PDE1C: variants seen among roughly 807,000 people sequenced by gnomAD.
PDE1C encodes dual specificity calcium/calmodulin-dependent 3',5'-cyclic nucleotide phosphodiesterase 1C.
Under a neutral mutation model 93.1 loss-of-function variants are expected in PDE1C, and 62 were observed. That is an observed-to-expected ratio of 0.67 (90% CI 0.54 to 0.82). PDE1C has a LOEUF of 0.82. Among genes scored for constraint, PDE1C ranks in the 40% least tolerant of loss-of-function variants. PDE1C has a pLI of 0.00. For missense variants in PDE1C, 742 were observed against 884.6 expected (o/e 0.84, Z 2.04); for synonymous variants, 325 against 310.1 (o/e 1.05, Z -0.50).
chr7:31,681,692 C>T, the PDE1C span, among the ~76,000 whole-genome samples: 1 of 152,272 alleles, frequency 6.6e-6, no homozygotes, highest in Non-Finnish European at 1.5e-5. Flanking sequence ...CCAGGAACAC[C>T]ACCAAATCAA....
intron 1 of PDE1C, among the ~76,000 whole-genome samples, chr7:32,214,575 C>A (rs1044573657): frequency 1.3e-5 from 2 of 152,152 alleles, no homozygotes; most frequent in Non-Finnish European, 2.9e-5. Flanking sequence ...TACATCTTTA[C>A]CAAAGGCAGG....
At chr7:32,147,251 GAAAAGAAAGAAAGAAAGAAA>G (rs1230457668) in intron 3 of PDE1C, among the ~76,000 whole-genome samples, 7 of 70,260 alleles carry the variant, frequency 1.0e-4, no homozygotes, top group Admixed American at 7.9e-4. Context: ...AAGAAAGAAA[GAAAAGAAAGAAAGAAAGAAA>G]AAAAGAAAGA....
At chr7:31,999,861 T>C (rs1307959008) in intron 2 of PDE1C, among the ~76,000 whole-genome samples, 2 of 152,192 alleles carry the variant, frequency 1.3e-5, no homozygotes, top group African/African-American at 2.4e-5. Context: ...CAGCTGAGCA[T>C]GGCTGTTGCT....
chr7:31,978,268 A>G (rs1041028710), intron 2 of PDE1C, among the ~76,000 whole-genome samples: 6 of 152,204 alleles, frequency 3.9e-5, no homozygotes, highest in East Asian at 3.9e-4. Flanking sequence ...GGGGTACTCA[A>G]TTCTGTCAAC....
chr7:31,859,316 CTTAT>C (rs1160420412), intron 7 of PDE1C, among the ~76,000 whole-genome samples: 4 of 149,426 alleles, frequency 2.7e-5, no homozygotes, highest in African/African-American at 9.8e-5. Context: ...GTATTATAGA[CTTAT>C]TTATCCTATT....
In PDE1C at chr7:31,790,156, T is replaced by G. The variant is rs1387442069; in HGVS notation, c.1892-14424A>C. 1.9e-6 allele frequency: 3 copies of G among 1,598,854 alleles called. No individual in the cohort carries two copies. In the East Asian group the frequency reaches 6.7e-5, roughly 36 times the overall value. ...TACACCTTCTCCAGATATGGGTCTT[T>G]GTGGAAGAAGGAGAAGAAGGAGAAT... On this transcript the variant is annotated intron_variant, in intron 16 of 17. Coordinates refer to ENST00000396191, the MANE Select transcript of PDE1C (RefSeq NM_001191057.4).
chr7:31,892,772 G>T (rs1798803716), intron 2 of PDE1C, among the ~76,000 whole-genome samples: 1 of 152,116 alleles, frequency 6.6e-6, no homozygotes, highest in South Asian at 2.1e-4. Context: ...AGTGAACAGG[G>T]AAAGGAGAGA....
chr7:31,713,717 C>T, the PDE1C span, among the ~76,000 whole-genome samples: 3 of 152,230 alleles, frequency 2.0e-5, no homozygotes, highest in African/African-American at 7.2e-5. Flanking sequence ...AACCCCAGTT[C>T]TTGACTTCTG....
intron 1 of PDE1C, among the ~76,000 whole-genome samples, chr7:32,390,248 T>C (rs1053519065): frequency 1.3e-5 from 2 of 152,138 alleles, no homozygotes; most frequent in African/African-American, 4.8e-5. Flanking sequence ...AAAATTTCTA[T>C]ATTAAATTAA....
chr7:32,122,648 GA>G (rs1387388087), intron 3 of PDE1C, among the ~76,000 whole-genome samples: 1 of 152,188 alleles, frequency 6.6e-6, no homozygotes, highest in Non-Finnish European at 1.5e-5. Context: ...CAGAAATCAA[GA>G]AGTTCTTTGA....
At chr7:31,647,998 A>G in the PDE1C span, among the ~76,000 whole-genome samples, 4 of 152,172 alleles carry the variant, frequency 2.6e-5, no homozygotes, top group Non-Finnish European at 4.4e-5. Flanking sequence ...GTATAACTAA[A>G]TTGTTATATA....
chr7:31,810,261 T>C (rs979065348), intron 15 of PDE1C, among the ~76,000 whole-genome samples: 13 of 152,146 alleles, frequency 8.5e-5, no homozygotes, highest in Admixed American at 7.9e-4. Flanking sequence ...GGAAGCTTTC[T>C]TTTTAGCCTG....
At chr7:32,197,180 G>T (rs944225909) in intron 2 of PDE1C, among the ~76,000 whole-genome samples, 2 of 152,058 alleles carry the variant, frequency 1.3e-5, no homozygotes, top group African/African-American at 4.8e-5. Flanking sequence ...ACACGAGTGG[G>T]CAATAAGCAT....
At chr7:32,411,526 C>G (rs1470569912) in intron 1 of PDE1C, among the ~76,000 whole-genome samples, 1 of 152,156 alleles carries the variant, frequency 6.6e-6, no homozygotes, top group Non-Finnish European at 1.5e-5. Flanking sequence ...AACGATACAC[C>G]TGTATAAGGG....
chr7:31,878,324 G>A lies in PDE1C; in HGVS notation c.426-288C>T, dbSNP rs528637730. On this transcript the variant is annotated intron_variant, in intron 4 of 17. Coordinates refer to ENST00000396191, the MANE Select transcript of PDE1C (RefSeq NM_001191057.4). ...TAAATGGGTCACTTCTTCCGCCAGAGTGAATTATAGTACAGAATAGACAGT... is the reference window on the plus strand; with the variant it reads ...TAAATGGGTCACTTCTTCCGCCAGAATGAATTATAGTACAGAATAGACAGT... Among the ~76,000 whole-genome samples the A allele has an allele frequency of 2.0e-5, 3 of 152,276 alleles. No homozygotes were observed. In the South Asian group the frequency reaches 6.2e-4, roughly 32 times the overall value.
chr7:31,640,290 T>C, the PDE1C span, among the ~76,000 whole-genome samples: 1 of 152,344 alleles, frequency 6.6e-6, no homozygotes, highest in East Asian at 1.9e-4. Context: ...GTGTTTCCCC[T>C]GATCCTTTCT....
At chr7:32,085,201 A>G (rs1182967810) in intron 3 of PDE1C, among the ~76,000 whole-genome samples, 1 of 151,680 alleles carries the variant, frequency 6.6e-6, no homozygotes, top group African/African-American at 2.4e-5. Flanking sequence ...AATACAAACT[A>G]CCATCAGAGA....
At chr7:32,183,492 T>C (rs1366727281) in intron 2 of PDE1C, among the ~76,000 whole-genome samples, 1 of 152,018 alleles carries the variant, frequency 6.6e-6, no homozygotes, top group Non-Finnish European at 1.5e-5. Flanking sequence ...TCAGAAATAA[T>C]GCCGCATATC....
chr7:31,692,386 TG>T, the PDE1C span: 3 of 1,392,816 alleles, frequency 2.2e-6, no homozygotes, highest in Non-Finnish European at 3.0e-6. Flanking sequence ...ACTTATTAAC[TG>T]TTTTTTATAC....
Sources: allele counts gnomAD v4.1 joint callset (sites outside exome capture counted in the v4.1 genomes callset), GRCh38; gene constraint gnomAD v4.1.1; transcripts MANE v1.5; gene names NCBI Gene and HGNC (gene_info 2026-07-23, HGNC 2026-07-21).